The following FLI1 variants were observed in gnomAD, a reference collection of about 807,000 sequenced individuals.
FLI1 encodes Friend leukemia integration 1 transcription factor.
A neutral mutation model predicts 53.1 loss-of-function variants in FLI1; 13 were observed. The ratio of observed to expected loss-of-function variants is 0.24; its 90% CI spans 0.16 to 0.39. FLI1 has a LOEUF of 0.39. Ranked by LOEUF, FLI1 falls within the 10% of genes least tolerant of loss-of-function variation. FLI1 has a pLI of 1.00. For missense variants in FLI1, 424 were observed against 600.5 expected (o/e 0.71, Z 3.07); for synonymous variants, 244 against 236.7 (o/e 1.03, Z -0.28).
chr11:128,781,488 A>G (rs2135863434), intron 4 of FLI1, among the ~76,000 whole-genome samples: 1 of 152,334 alleles, frequency 6.6e-6, no homozygotes, highest in Non-Finnish European at 1.5e-5. Context: ...CAAAATATTT[A>G]CTATCTCCTT....
At chr11:128,730,678 A>C (rs943121555) in intron 1 of FLI1, among the ~76,000 whole-genome samples, 6 of 152,174 alleles carry the variant, frequency 3.9e-5, no homozygotes, top group Admixed American at 6.5e-5. Context: ...AGCTACACCA[A>C]GGGCTGCGTG....
At chr11:128,698,913 A>G (rs1938204884) in intron 1 of FLI1, among the ~76,000 whole-genome samples, 1 of 152,224 alleles carries the variant, frequency 6.6e-6, no homozygotes, top group Non-Finnish European at 1.5e-5. Context: ...GAATTTTTAT[A>G]CAACTGTTTT....
chr11:128,706,061 A>G (rs1938534310), intron 1 of FLI1, among the ~76,000 whole-genome samples: 1 of 152,148 alleles, frequency 6.6e-6, no homozygotes, highest in Non-Finnish European at 1.5e-5. Context: ...CCCACCTCAT[A>G]CACGCATACA....
intron 5 of FLI1, among the ~76,000 whole-genome samples, chr11:128,798,101 G>A (rs1055811540): frequency 2.0e-5 from 3 of 152,144 alleles, no homozygotes; most frequent in Non-Finnish European, 4.4e-5. Flanking sequence ...CCTCAAGCCT[G>A]ATTACCTAAG....
At chr11:128,780,477 C>T (rs1033351818) in intron 4 of FLI1, among the ~76,000 whole-genome samples, 1 of 152,228 alleles carries the variant, frequency 6.6e-6, no homozygotes, top group Non-Finnish European at 1.5e-5. Context: ...TGCCTGTAAT[C>T]CCAGCTACTG....
intron 5 of FLI1, among the ~76,000 whole-genome samples, chr11:128,795,337 G>A (rs1194075684): frequency 1.3e-5 from 2 of 152,012 alleles, no homozygotes; most frequent in Admixed American, 1.3e-4. Flanking sequence ...ATTACCTTGT[G>A]GTCTTTAATT....
chr11:128,736,273 A>C (rs1939913048), intron 1 of FLI1, among the ~76,000 whole-genome samples: 2 of 152,116 alleles, frequency 1.3e-5, no homozygotes, highest in South Asian at 4.1e-4. Context: ...TTAGACAAAG[A>C]ACACCTGATA....
chr11:128,787,122 A>T (rs1054801142), intron 5 of FLI1, among the ~76,000 whole-genome samples: 1 of 152,186 alleles, frequency 6.6e-6, no homozygotes, highest in Non-Finnish European at 1.5e-5. Flanking sequence ...GCTGAAGCCC[A>T]TGTTAACGAG....
intron 1 of FLI1, among the ~76,000 whole-genome samples, chr11:128,707,519 G>T (rs1181763783): frequency 6.6e-6 from 1 of 152,196 alleles, no homozygotes; most frequent in Admixed American, 6.5e-5. Context: ...TTCCCAGGGT[G>T]CCTTGGGGAA....
rs148829403 is a variant in FLI1, at chr11:128,801,103, T to A, written c.656-4263T>A. ...CATTTTTACACACTGGGCCTTTGGCTGCCACCTCAAGTTTGTCAGTTCTCA... is the reference window on the plus strand; with the variant it reads ...CATTTTTACACACTGGGCCTTTGGCAGCCACCTCAAGTTTGTCAGTTCTCA... On this transcript the variant is annotated intron_variant, in intron 5 of 8. Transcript: ENST00000527786. 4.1e-4 allele frequency among the ~76,000 whole-genome samples: 63 copies of A among 152,336 alleles called. No individual in the cohort carries two copies. The East Asian group carries it at 0.01, about 25-fold the overall frequency.
At chr11:128,783,171 C>T (rs1264316065) in intron 5 of FLI1, among the ~76,000 whole-genome samples, 1 of 152,198 alleles carries the variant, frequency 6.6e-6, no homozygotes, top group Non-Finnish European at 1.5e-5. Flanking sequence ...GGATCAGTTA[C>T]ATATAGCACA....
chr11:128,779,988 T>A (rs686972), intron 4 of FLI1, among the ~76,000 whole-genome samples: 17,583 of 152,228 alleles, frequency 0.12, 2,263 homozygotes, highest in African/African-American at 0.32. Flanking sequence ...TGCATCTAAC[T>A]TTTAAAAGAT....
chr11:128,734,056 C>T (rs751020193), intron 1 of FLI1, among the ~76,000 whole-genome samples: 2 of 152,204 alleles, frequency 1.3e-5, no homozygotes, highest in Non-Finnish European at 2.9e-5. Context: ...CGCCCAGGGG[C>T]TCCGAGGCCA....
At chr11:128,686,232 T>C (rs985166363), upstream of FLI1, 2 of 418,540 alleles carry the variant, frequency 4.8e-6, no homozygotes, top group African/African-American at 4.1e-5. Context: ...CCTACCTCTG[T>C]CCTGGTCGCG....
intron 4 of FLI1, among the ~76,000 whole-genome samples, chr11:128,779,216 G>A (rs538135113): frequency 2.0e-5 from 3 of 152,276 alleles, no homozygotes; most frequent in South Asian, 2.1e-4. Context: ...TCGTGCTTTC[G>A]GCTACATCTG....
chr11:128,747,329 A>G (rs1252604422), intron 1 of FLI1, among the ~76,000 whole-genome samples: 1 of 152,184 alleles, frequency 6.6e-6, no homozygotes, highest in Non-Finnish European at 1.5e-5. Flanking sequence ...CTCCAGTGAC[A>G]TCTGGCGGAA....
At chr11:128,753,965 T>C (rs1195176205) in intron 1 of FLI1, among the ~76,000 whole-genome samples, 1 of 152,190 alleles carries the variant, frequency 6.6e-6, no homozygotes, top group Non-Finnish European at 1.5e-5. Flanking sequence ...GCCACAAGAA[T>C]GCTCTCCTCC....
chr11:128,787,997 A>T (rs1370520069), intron 5 of FLI1, among the ~76,000 whole-genome samples: 2 of 151,474 alleles, frequency 1.3e-5, no homozygotes, highest in Non-Finnish European at 2.9e-5. Context: ...TTTTTAGTAG[A>T]GACGGGGTTT....
chr11:128,696,148 A>C (rs940048481), intron 1 of FLI1: 1 of 152,254 alleles, frequency 6.6e-6, no homozygotes, highest in Non-Finnish European at 1.5e-5. Context: ...CTGACACTTC[A>C]GGCCAAGGAT....
Sources: gnomAD v4.1 joint callset for allele counts (sites outside exome capture counted in the v4.1 genomes callset) on GRCh38, gnomAD v4.1.1 for gene constraint, MANE v1.5 for transcripts, NCBI Gene and HGNC (gene_info 2026-07-23, HGNC 2026-07-21) for gene names.